The following DIO2 variants were observed in gnomAD, a reference collection of about 807,000 sequenced individuals.
DIO2 encodes iodothyronine deiodinase 2, also known as type II iodothyronine deiodinase.
A neutral mutation model predicts 21.4 loss-of-function variants in DIO2; 19 were observed. The observed-to-expected ratio is 0.89, with a 90% CI of 0.62 to 1.30. DIO2 has a LOEUF of 1.30. Ranked by LOEUF, DIO2 falls within the 50% of genes most tolerant of loss-of-function variation. The pLI is 0.00. For missense variants in DIO2, 302 were observed against 338.1 expected, an observed-to-expected ratio of 0.89 and a Z score of 0.84; for synonymous variants, 122 against 132.9, an observed-to-expected ratio of 0.92 and a Z score of 0.57.
chr14:80,201,199 G>A lies in DIO2; in HGVS notation c.*1490C>T, dbSNP rs1028626897. 2.0e-5 allele frequency: 3 copies of A among 151,038 alleles called. No individual in the cohort carries two copies. The highest frequency in any genetic ancestry group is 1.3e-4 in the Admixed American group (2 of 15,128). 9.4% of individuals were successfully genotyped at this position (151,038 alleles called of 1,614,324 possible). On this transcript the variant is annotated 3_prime_UTR_variant, in exon 2 of 2. Transcript: ENST00000438257. ...ATAGCATTATAATCATATACTATAGGGACTTTAGATTACTAAACCTCAGCT... is the reference window on the plus strand; with the variant it reads ...ATAGCATTATAATCATATACTATAGAGACTTTAGATTACTAAACCTCAGCT...
At chr14:80,214,952 C>G (rs535818341), upstream of DIO2, among the ~76,000 whole-genome samples, 1 of 152,098 alleles carries the variant, frequency 6.6e-6, no homozygotes, top group East Asian at 1.9e-4. Flanking sequence ...CTATGAGAAC[C>G]AAAACCCTTG....
chr14:80,206,516 C>G (rs1887964361), intron 1 of DIO2, among the ~76,000 whole-genome samples: 1 of 151,918 alleles, frequency 6.6e-6, no homozygotes, highest in Non-Finnish European at 1.5e-5. Flanking sequence ...GGTTATGCAC[C>G]CTGCTGAGAC....
intron 1 of DIO2, 68 bp from the exon 2 acceptor site, chr14:80,203,356 A>T (rs942842393): frequency 6.9e-7 from 1 of 1,444,108 alleles, no homozygotes; most frequent in Non-Finnish European, 9.2e-7. Context: ...ACACATTGCC[A>T]CTTGAATTCA....
Position 80,199,813 on chromosome 14 carries a change from C to A in DIO2, c.*2876G>T, listed in dbSNP as rs1406808420. 6.6e-6 allele frequency: 1 copy of A among 152,414 alleles called. No individual in the cohort carries two copies. Among genetic ancestry groups the A allele is most frequent in the Non-Finnish European group, 1.5e-5 (1 of 68,010 alleles). The allele number at this position is 152,414 out of a possible 1,614,324, so 9.4% of individuals were successfully genotyped here. ...CCTATGGGAGAAACATGATTAGGGACTAAGAAAGAGAACTCAGACTTTTAT... is the reference window on the plus strand; with the variant it reads ...CCTATGGGAGAAACATGATTAGGGAATAAGAAAGAGAACTCAGACTTTTAT... On this transcript the variant is annotated 3_prime_UTR_variant, in exon 2 of 2. Coordinates refer to ENST00000438257, the MANE Select transcript of DIO2 (RefSeq NM_013989.5).
Position 80,227,254 on chromosome 14 carries a change from T to C in DIO2, c.-277-10517A>G, listed in dbSNP as rs181363619. Among the ~76,000 whole-genome samples the C allele has an allele frequency of 1.8e-4, 27 of 152,276 alleles. No individual in the cohort carries two copies. The East Asian group carries it at 4.8e-3, about 27-fold the overall frequency. On this transcript the variant is annotated intron_variant, in intron 2 of 4. Transcript: ENST00000553594. ...TCATAGGGAACTGCCCATGATGCCA[T>C]TGGTGTAGGCTGGGGAAGAGAAGGC...
intron 1 of DIO2, among the ~76,000 whole-genome samples, chr14:80,210,059 G>C (rs937563732): frequency 6.6e-6 from 1 of 152,130 alleles, no homozygotes; most frequent in Admixed American, 6.6e-5. Flanking sequence ...CTGAACACCT[G>C]GCTTCTATAT....
Position 80,201,929 on chromosome 14 carries a change from C to T in DIO2, c.*760G>A, listed in dbSNP as rs7140952. Reference sequence around the variant, plus strand: ...GTGGCTAACAAATGTGACCCACTCTCTACAGCTTAAGGGTGAAACTCTGTG... The same window carrying T: ...GTGGCTAACAAATGTGACCCACTCTTTACAGCTTAAGGGTGAAACTCTGTG... On this transcript the variant is annotated 3_prime_UTR_variant, in exon 2 of 2. Transcript: ENST00000438257. 20,762 of 164,852 alleles carry T rather than the reference C, an allele frequency of 0.13. 1,613 individuals are homozygous for T. The highest frequency in any genetic ancestry group is 0.31 in the East Asian group (1,672 of 5,458). 10.2% of individuals were successfully genotyped at this position (164,852 alleles called of 1,614,324 possible). A position where few individuals can be genotyped will look rare whatever the true frequency, so the allele number is the denominator to read the frequency against.
rs551239943 is a variant in DIO2, at chr14:80,198,005, A to C, written c.*4684T>G. On this transcript the variant is annotated 3_prime_UTR_variant, in exon 2 of 2. Transcript: ENST00000438257. The stretch of plus-strand genomic sequence containing the variant: ...TAAAGTACTGGATACTTATTTCTTC[A>C]CATCCCCCAATCCTAATACACATAA... 1 of 152,740 alleles carries C rather than the reference A, an allele frequency of 6.5e-6. No homozygotes were observed. Among genetic ancestry groups the C allele is most frequent in the East Asian group, 1.9e-4 (1 of 5,174 alleles). 9.5% of individuals were successfully genotyped at this position (152,740 alleles called of 1,614,324 possible).
At chr14:80,214,749 T>A (rs1888311406), upstream of DIO2, among the ~76,000 whole-genome samples, 1 of 152,194 alleles carries the variant, frequency 6.6e-6, no homozygotes, top group Admixed American at 6.5e-5. Flanking sequence ...ACCACATTGA[T>A]TTTCAAGTAA....
intron 2 of DIO2, among the ~76,000 whole-genome samples, chr14:80,230,114 T>A (rs1025562305): frequency 6.6e-6 from 1 of 152,140 alleles, no homozygotes; most frequent in Non-Finnish European, 1.5e-5. Flanking sequence ...GAAAGACTAA[T>A]GGCAGCATGG....
intron 2 of DIO2, among the ~76,000 whole-genome samples, chr14:80,223,744 A>G (rs1272623296): frequency 6.6e-6 from 1 of 152,210 alleles, no homozygotes; most frequent in East Asian, 1.9e-4. Context: ...TCTTAAGGGA[A>G]TCTTTTGTAA....
At chr14:80,223,477 T>C (rs1888508198) in intron 2 of DIO2, among the ~76,000 whole-genome samples, 1 of 152,192 alleles carries the variant, frequency 6.6e-6, no homozygotes, top group Non-Finnish European at 1.5e-5. Flanking sequence ...GGAATTATAC[T>C]ACAATAGTAA....
At chr14:80,230,274 C>T (rs1245653135) in intron 2 of DIO2, among the ~76,000 whole-genome samples, 1 of 152,170 alleles carries the variant, frequency 6.6e-6, no homozygotes, top group Non-Finnish European at 1.5e-5. Context: ...CCATTCTTTT[C>T]CAGTCAATGC....
upstream of DIO2, among the ~76,000 whole-genome samples, chr14:80,213,218 A>AC (rs1460165820): frequency 6.6e-6 from 1 of 152,152 alleles, no homozygotes; most frequent in African/African-American, 2.4e-5. Flanking sequence ...GAATGGCATG[A>AC]CCCCCACTTT....
intron 1 of DIO2, among the ~76,000 whole-genome samples, chr14:80,209,811 T>C (rs1888100558): frequency 6.6e-6 from 1 of 152,212 alleles, no homozygotes; most frequent in Non-Finnish European, 1.5e-5. Context: ...AAGACGTGCA[T>C]TGTGGTAAAA....
chr14:80,227,929 C>G (rs1888608236), intron 2 of DIO2, among the ~76,000 whole-genome samples: 1 of 152,208 alleles, frequency 6.6e-6, no homozygotes, highest in African/African-American at 2.4e-5. Context: ...TTATCCTTTA[C>G]CTTAGAAAGA....
At chr14:80,222,571 G>C (rs185186885) in intron 2 of DIO2, among the ~76,000 whole-genome samples, 11 of 152,264 alleles carry the variant, frequency 7.2e-5, no homozygotes, top group Admixed American at 5.9e-4. Context: ...TAAGTAACTT[G>C]AAAATGCAAA....
intron 2 of DIO2, among the ~76,000 whole-genome samples, chr14:80,223,711 T>C (rs1464628063): frequency 6.6e-6 from 1 of 152,258 alleles, no homozygotes; most frequent in Non-Finnish European, 1.5e-5. Flanking sequence ...ACAGCATATC[T>C]CTGCTACTCC....
intron 2 of DIO2, chr14:80,219,291 A>G (rs1031612179): frequency 3.3e-5 from 5 of 152,244 alleles, no homozygotes; most frequent in Non-Finnish European, 7.3e-5. Context: ...CCTTATTGCA[A>G]TAGATGCTAA....
Sources: gnomAD v4.1 joint callset for allele counts (sites outside exome capture counted in the v4.1 genomes callset) on GRCh38, gnomAD v4.1.1 for gene constraint, MANE v1.5 for transcripts, NCBI Gene and HGNC (gene_info 2026-07-23, HGNC 2026-07-21) for gene names.